RTL4: variants seen among roughly 807,000 people sequenced by gnomAD.
RTL4 encodes the protein retrotransposon Gag-like protein 4.
In RTL4, 4 loss-of-function variants were observed where a neutral mutation model predicts 5.3. The ratio of observed to expected loss-of-function variants is 0.75; its 90% CI spans 0.37 to 1.72. The LOEUF is 1.72. Ranked by LOEUF, RTL4 falls within the 40% of genes most tolerant of loss-of-function variation. The pLI is 0.04. For synonymous variants in RTL4, 98 were observed against 87.3 expected, an observed-to-expected ratio of 1.12 and a Z score of -0.68; for missense variants, 260 against 227.1, an observed-to-expected ratio of 1.14 and a Z score of -0.93.
At chrX:112,177,989 G>A in the RTL4 span, among the ~76,000 whole-genome samples, 4 of 108,273 alleles carry the variant, frequency 3.7e-5, no homozygotes, top group Admixed American at 2.0e-4. Flanking sequence ...ACAGTCAACA[G>A]CAAAGTTTGG....
chrX:112,117,523 T>G, the RTL4 span, among the ~76,000 whole-genome samples: 1 of 111,520 alleles, frequency 9.0e-6, no homozygotes, highest in Non-Finnish European at 1.9e-5. Flanking sequence ...ATTATTCTTA[T>G]ATGGAAATGG....
At chrX:112,113,200 G>A in the RTL4 span, among the ~76,000 whole-genome samples, 15 of 110,270 alleles carry the variant, frequency 1.4e-4, no homozygotes, top group Admixed American at 3.9e-4. Context: ...TAGACTGGGC[G>A]GGCATTTTTT....
At chrX:112,156,610 A>G in the RTL4 span, among the ~76,000 whole-genome samples, 1 of 112,096 alleles carries the variant, frequency 8.9e-6, no homozygotes, top group Non-Finnish European at 1.9e-5. Context: ...TGATAGGATG[A>G]AAGACTAAAG....
chrX:112,446,275 A>C, the RTL4 span, among the ~76,000 whole-genome samples: 14 of 112,153 alleles, frequency 1.2e-4, no homozygotes, highest in Middle Eastern at 4.6e-3. Flanking sequence ...GATAATATTG[A>C]CATAGGCCCT....
chrX:112,212,399 A>G, the RTL4 span, among the ~76,000 whole-genome samples: 2 of 112,477 alleles, frequency 1.8e-5, no homozygotes, highest in African/African-American at 3.2e-5. Flanking sequence ...AATAAAAAAT[A>G]AAAGAAGTGA....
At chrX:112,353,248 G>A in the RTL4 span, among the ~76,000 whole-genome samples, 1 of 111,532 alleles carries the variant, frequency 9.0e-6, no homozygotes, top group East Asian at 2.8e-4. Flanking sequence ...TTGTAAACTC[G>A]TTCAACCATC....
chrX:112,149,665 C>G, the RTL4 span, among the ~76,000 whole-genome samples: 1 of 112,245 alleles, frequency 8.9e-6, no homozygotes, highest in Non-Finnish European at 1.9e-5. Flanking sequence ...TGCTCTTGTT[C>G]ATTCAGCAAC....
At chrX:112,349,382 C>T in the RTL4 span, among the ~76,000 whole-genome samples, 189 of 110,835 alleles carry the variant, frequency 1.7e-3, no homozygotes, top group African/African-American at 5.9e-3. Context: ...AACAGAGAAA[C>T]TGGTTGTCTA....
the RTL4 span, among the ~76,000 whole-genome samples, chrX:112,442,244 CT>C: frequency 4.8e-3 from 470 of 98,290 alleles, 2 homozygotes; most frequent in African/African-American, 0.013. Flanking sequence ...ATTTACATTT[CT>C]TTTTTTTTTT....
chrX:112,286,473 G>A, the RTL4 span, among the ~76,000 whole-genome samples: 2 of 111,388 alleles, frequency 1.8e-5, no homozygotes, highest in African/African-American at 3.3e-5. Context: ...TTACCATTGT[G>A]ATGAGAATAG....
At chrX:112,161,915 A>G in the RTL4 span, among the ~76,000 whole-genome samples, 1 of 92,558 alleles carries the variant, frequency 1.1e-5, no homozygotes, top group African/African-American at 4.0e-5. Flanking sequence ...TTGAGGAAAA[A>G]TCCGTTCTAA....
chrX:112,438,936 A>G, the RTL4 span, among the ~76,000 whole-genome samples: 3 of 112,036 alleles, frequency 2.7e-5, no homozygotes, highest in Non-Finnish European at 5.6e-5. Context: ...CGGAAGCCCT[A>G]ACCCAGCAAA....
the RTL4 span, among the ~76,000 whole-genome samples, chrX:112,110,863 G>A: frequency 0.01 from 1,131 of 111,639 alleles, 2 homozygotes; most frequent in Non-Finnish European, 0.014. Flanking sequence ...GTTCTGTCCT[G>A]AAGGGAGTTC....
the RTL4 span, among the ~76,000 whole-genome samples, chrX:112,180,314 C>T: frequency 1.8e-5 from 2 of 111,191 alleles, no homozygotes; most frequent in African/African-American, 6.5e-5. Context: ...AGAGGTAAGC[C>T]AATACTTAGC....
chrX:112,402,967 C>T, the RTL4 span, among the ~76,000 whole-genome samples: 86 of 111,567 alleles, frequency 7.7e-4, no homozygotes, highest in Non-Finnish European at 9.4e-5. Context: ...AAGCGAACGT[C>T]TTGAATTTGT....
At chrX:112,086,243 A>G in the RTL4 span, among the ~76,000 whole-genome samples, 5 of 112,349 alleles carry the variant, frequency 4.5e-5, no homozygotes, top group Non-Finnish European at 9.4e-5. Context: ...AGCGTGTGGC[A>G]TTTGTGTCAT....
At chrX:112,450,270 T>A (rs770250490), upstream of RTL4, among the ~76,000 whole-genome samples, 1 of 112,476 alleles carries the variant, frequency 8.9e-6, no homozygotes, top group African/African-American at 3.2e-5. Flanking sequence ...CCAGACCAAA[T>A]ACAAACACTA....
At chrX:112,245,515 G>A in the RTL4 span, among the ~76,000 whole-genome samples, 1 of 111,607 alleles carries the variant, frequency 9.0e-6, no homozygotes, top group Non-Finnish European at 1.9e-5. Context: ...CATGCGTCAC[G>A]TAGTTCTCAT....
At chrX:112,396,449 G>T in the RTL4 span, among the ~76,000 whole-genome samples, 5 of 111,257 alleles carry the variant, frequency 4.5e-5, no homozygotes, top group Non-Finnish European at 7.5e-5. Flanking sequence ...GGTGCTTTTT[G>T]TGTGTAGATA....
Sources: gnomAD v4.1 joint callset for allele counts (sites outside exome capture counted in the v4.1 genomes callset) on GRCh38, gnomAD v4.1.1 for gene constraint, MANE v1.5 for transcripts, NCBI Gene and HGNC (gene_info 2026-07-23, HGNC 2026-07-21) for gene names.